ZNFX1: variants seen among roughly 807,000 people sequenced by gnomAD.
The protein encoded by ZNFX1 is NFX1-type zinc finger-containing protein 1.
In ZNFX1, 78 loss-of-function variants were observed where a neutral mutation model predicts 179.8. That is an observed-to-expected ratio of 0.43 (90% CI 0.36 to 0.52). The LOEUF is 0.52. Ranked by LOEUF, ZNFX1 falls within the 20% of genes least tolerant of loss-of-function variation. The pLI is 0.00. For missense variants in ZNFX1, 1,927 were observed against 2,386.6 expected (o/e 0.81, Z 4.01); for synonymous variants, 848 against 868.5 (o/e 0.98, Z 0.42).
rs1236500045 is a variant in ZNFX1 at position 49,270,745 on chromosome 20, T to C, written c.1067A>G (p.Asn356Ser). 2 of 1,614,180 alleles carry C rather than the reference T, an allele frequency of 1.2e-6. No individual in the cohort carries two copies. The highest frequency in any genetic ancestry group is 4.5e-5 in the East Asian group (2 of 44,880). ...GCTGTCGTATTTTCCAGAAATGATA[T>C]TGGGGCGAAGGAAGGGCCTCTCATC... is the stretch of plus-strand genomic sequence containing the variant. The part of the protein sequence containing the change: ...HLDERPFLRP[N>S]IISGKYDSTA... The change falls in exon 3 of 14, where the codon AAT becomes AGT. Residue 356 changes from asparagine (N) to serine (S), a missense_variant. Coordinates refer to ENST00000396105, the MANE Select transcript of ZNFX1 (RefSeq NM_021035.3). This position sits in a 1 kb window ranked among gnomAD's most constrained non-coding sequence, Gnocchi z 4.6.
At chr20:49,276,014 G>A (rs1448104943) in intron 1 of ZNFX1, 127 bp from the exon 2 acceptor site, 1 of 598,860 alleles carries the variant, frequency 1.7e-6, no homozygotes, top group East Asian at 2.8e-5. Context: ...GTTAAATACA[G>A]ATTTTAATCT....
chr20:49,268,018 C>T (rs59499156), intron 3 of ZNFX1, among the ~76,000 whole-genome samples: 15,902 of 151,870 alleles, frequency 0.1, 958 homozygotes, highest in South Asian at 0.18. Context: ...GGACTACAGG[C>T]GCCTGCCACC....
At chr20:49,272,169 C>G (rs1192048904) in intron 2 of ZNFX1, among the ~76,000 whole-genome samples, 1 of 148,744 alleles carries the variant, frequency 6.7e-6, no homozygotes, top group Non-Finnish European at 1.5e-5. Context: ...TTCTCTAAGT[C>G]TCAGTTTCTG....
In ZNFX1 at chr20:49,249,073, T is replaced by C; in HGVS notation, c.3951A>G (p.Gln1317=). The change falls in exon 14 of 14, where the codon CAA becomes CAG. Residue 1317 remains glutamine, a synonymous_variant. Coordinates refer to ENST00000396105, the MANE Select transcript of ZNFX1 (RefSeq NM_021035.3). Reference sequence around the variant, plus strand: ...TGACCTTCTGGCATGGCTTCATGCATTGGAACTCCTTGTGTGAAGAGTCAT... The same window carrying C: ...TGACCTTCTGGCATGGCTTCATGCACTGGAACTCCTTGTGTGAAGAGTCAT... The part of the protein sequence containing the change: ...HPYDSSHKEF[Q]CMKPCQKVIC... 6.2e-7 allele frequency: 1 copy of C among 1,614,226 alleles called. No individual in the cohort carries two copies. The highest frequency in any genetic ancestry group is 1.6e-4 in the Middle Eastern group (1 of 6,062).
In ZNFX1 at chr20:49,249,722, A is replaced by G. The variant is rs755015924; in HGVS notation, c.3313-11T>C. ...GTTGGAAGACACCCCCTGACAGGGA[A>G]AAGAAGTGACATGTTAAAAGGTTCA... is the stretch of plus-strand genomic sequence containing the variant. On this transcript the variant is annotated splice_polypyrimidine_tract_variant and intron_variant, in intron 13 of 13. Coordinates refer to ENST00000396105, the MANE Select transcript of ZNFX1 (RefSeq NM_021035.3). 6.2e-7 allele frequency: 1 copy of G among 1,601,156 alleles called. No individual in the cohort carries two copies. Among genetic ancestry groups the G allele is most frequent in the East Asian group, 2.2e-5 (1 of 44,718 alleles).
intron 6 of ZNFX1, among the ~76,000 whole-genome samples, chr20:49,261,852 T>C (rs1417872422): frequency 6.6e-6 from 1 of 151,282 alleles, no homozygotes; most frequent in Non-Finnish European, 1.5e-5. Flanking sequence ...TTCAGCGTGT[T>C]AGCCAGGATG....
At chr20:49,252,880 C>T (rs775187271) in intron 11 of ZNFX1, 50 bp from the exon 12 acceptor site, 22 of 1,414,570 alleles carry the variant, frequency 1.6e-5, no homozygotes, top group Non-Finnish European at 2.1e-5. Context: ...AGTCATTTAA[C>T]CATCCATACT....
In ZNFX1 at chr20:49,258,903, A is replaced by G. The variant is rs566457714; in HGVS notation, c.2417-1239T>C. Among the ~76,000 whole-genome samples, 13 of 152,312 alleles carry G rather than the reference A, an allele frequency of 8.5e-5. No homozygotes were observed. The East Asian group carries it at 2.5e-3, about 29-fold the overall frequency. On this transcript the variant is annotated intron_variant, in intron 7 of 13. Transcript: ENST00000396105. ...CAGATCACCTGAGGTCAGGAGCTCA[A>G]GACCAGCCTGGCCAACATGGGGAAA...
intron 4 of ZNFX1, among the ~76,000 whole-genome samples, chr20:49,265,738 G>C (rs1981219062): frequency 6.6e-6 from 1 of 152,162 alleles, no homozygotes. Context: ...AAATGCAAAA[G>C]AGACTTCACT....
Position 49,251,641 on chromosome 20 carries a change from G to A in ZNFX1, c.3217-19C>T. The A allele has an allele frequency of 6.3e-7, 1 of 1,593,106 alleles. No individual in the cohort carries two copies. The highest frequency in any genetic ancestry group is 8.6e-7 in the Non-Finnish European group (1 of 1,167,964). Reference sequence around the variant, plus strand: ...TACGGTGCTGAAAAAACACATGCATGTCATTAGAAACATGGGCAGAGCACA... The same window carrying A: ...TACGGTGCTGAAAAAACACATGCATATCATTAGAAACATGGGCAGAGCACA... On this transcript the variant is annotated intron_variant, in intron 12 of 13. Transcript: ENST00000396105.
chr20:49,257,750 G>A, intron 7 of ZNFX1, 86 bp from the exon 8 acceptor site: 1 of 1,470,632 alleles, frequency 6.8e-7, no homozygotes, highest in South Asian at 1.4e-5. Context: ...TGCCCAGGGT[G>A]GAGTGCGGTG....
chr20:49,252,385 G>A (rs988156881), intron 12 of ZNFX1, among the ~76,000 whole-genome samples: 1 of 150,196 alleles, frequency 6.7e-6, no homozygotes, highest in Non-Finnish European at 1.5e-5. Flanking sequence ...CAGGTGATCT[G>A]CCCACCTTGG....
intron 1 of ZNFX1, among the ~76,000 whole-genome samples, chr20:49,277,503 A>C (rs1981607186): frequency 2.1e-5 from 3 of 144,382 alleles, no homozygotes; most frequent in Non-Finnish European, 4.6e-5. Context: ...GGCCGGAGGA[A>C]TGAGGGGGGT....
chr20:49,273,822 T>C (rs1051175161), intron 2 of ZNFX1, among the ~76,000 whole-genome samples: 1 of 152,014 alleles, frequency 6.6e-6, no homozygotes, highest in Non-Finnish European at 1.5e-5. Flanking sequence ...CCCAGCTACT[T>C]GGGAGGCTGA....
At chr20:49,255,997 G>C (rs1284201018) in intron 8 of ZNFX1, 50 bp from the exon 9 acceptor site, 1 of 1,600,522 alleles carries the variant, frequency 6.2e-7, no homozygotes, top group Non-Finnish European at 8.5e-7. Flanking sequence ...AGGCAGGCTT[G>C]GTTTTAAGCC....
chr20:49,261,872 T>TA (rs1438701877), intron 6 of ZNFX1, among the ~76,000 whole-genome samples: 3 of 151,422 alleles, frequency 2.0e-5, no homozygotes, highest in Admixed American at 6.6e-5. Flanking sequence ...GGTCTCAATC[T>TA]CCTGACCTCG....
chr20:49,257,667 AAGAG>A lies in ZNFX1; in HGVS notation c.2417-7_2417-4del. On this transcript the variant is annotated splice_region_variant and splice_polypyrimidine_tract_variant and intron_variant, in intron 7 of 13. Transcript: ENST00000396105. The stretch of plus-strand genomic sequence containing the variant: ...CTCCTCATCCCCTTCTGCCTGGGCT[AAGAG>A]AGAGAAACAGGCAGGAGAGAGATGA... The A allele has an allele frequency of 3.1e-6, 5 of 1,612,450 alleles. No homozygotes were observed. The highest frequency in any genetic ancestry group is 1.3e-5 in the African/African-American group (1 of 74,652).
At position 49,254,613 on chromosome 20, in the gene ZNFX1, C is replaced by G; in HGVS notation, c.2841G>C (p.Arg947=). 6.2e-7 allele frequency: 1 copy of G among 1,614,068 alleles called. No individual in the cohort carries two copies. Among genetic ancestry groups the G allele is most frequent in the Non-Finnish European group, 8.5e-7 (1 of 1,180,000 alleles). ...ACTGGCGTTCATAGCTGAGGATCTTCCGGCGGGTGTCAGCCTGGTACAACT... is the reference window on the plus strand; with the variant it reads ...ACTGGCGTTCATAGCTGAGGATCTTGCGGCGGGTGTCAGCCTGGTACAACT... The part of the protein sequence containing the change: ...WLQLYQADTR[R]KILSYERQYR... Residue 947 remains arginine, a synonymous_variant, in exon 10 of 14, where the codon CGG becomes CGC. Coordinates refer to ENST00000396105, the MANE Select transcript of ZNFX1 (RefSeq NM_021035.3).
At chr20:49,268,165 G>A (rs1021875778) in intron 3 of ZNFX1, among the ~76,000 whole-genome samples, 5 of 152,098 alleles carry the variant, frequency 3.3e-5, no homozygotes, top group Admixed American at 2.6e-4. Context: ...GTGAGCCACC[G>A]TGCCTGACCA....
Sources: gnomAD v4.1 joint callset for allele counts (sites outside exome capture counted in the v4.1 genomes callset) on GRCh38, gnomAD v4.1.1 for gene constraint, Gnocchi (gnomAD v3.1) non-coding constraint, MANE v1.5 for transcripts, NCBI Gene and HGNC (gene_info 2026-07-23, HGNC 2026-07-21) for gene names.